The following PHF21B variants were observed in gnomAD, a reference collection of about 807,000 sequenced individuals.
PHF21B encodes the protein PHD finger protein 4.
Under a neutral mutation model 62.2 loss-of-function variants are expected in PHF21B, and 22 were observed. The observed-to-expected ratio is 0.35, with a 90% CI of 0.25 to 0.51. PHF21B has a LOEUF of 0.51. Among genes scored for constraint, PHF21B ranks in the 20% least tolerant of loss-of-function variants. The probability of loss-of-function intolerance (pLI) is 0.97; values close to 1 mark genes in which losing one functional copy is unlikely to be tolerated. For missense variants in PHF21B, 701 were observed against 707.9 expected, an observed-to-expected ratio of 0.99 and a Z score of 0.11; for synonymous variants, 341 against 314.7, an observed-to-expected ratio of 1.08 and a Z score of -0.88.
At chr22:44,926,614 G>C (rs1316553671) in intron 2 of PHF21B, among the ~76,000 whole-genome samples, 1 of 152,234 alleles carries the variant, frequency 6.6e-6, no homozygotes, top group Non-Finnish European at 1.5e-5. Context: ...TGGGTGGGCT[G>C]AGGAGGCCGA....
At chr22:44,885,356 C>T in intron 12 of PHF21B, 70 bp downstream of exon 12, 1 of 1,401,078 alleles carries the variant, frequency 7.1e-7, no homozygotes, top group Non-Finnish European at 9.7e-7. Flanking sequence ...AAGGACACAT[C>T]TATCTGTCCC....
intron 2 of PHF21B, among the ~76,000 whole-genome samples, chr22:44,928,697 A>G (rs2071681758): frequency 6.6e-6 from 1 of 152,238 alleles, no homozygotes; most frequent in South Asian, 2.1e-4. Flanking sequence ...GGCATGAGCC[A>G]ACACACATGG....
chr22:44,915,608 C>T (rs1399080463), intron 4 of PHF21B, among the ~76,000 whole-genome samples: 1 of 152,234 alleles, frequency 6.6e-6, no homozygotes, highest in East Asian at 1.9e-4. Context: ...CACCAGCTCA[C>T]ATGAGGGTCG....
chr22:44,907,363 C>T (rs371201612), intron 5 of PHF21B, among the ~76,000 whole-genome samples: 5 of 152,332 alleles, frequency 3.3e-5, no homozygotes, highest in African/African-American at 1.2e-4. Flanking sequence ...GGGCAAGGTG[C>T]TGTGAGCCTG....
intron 1 of PHF21B, chr22:45,008,931 GA>G: frequency 9.0e-7 from 1 of 1,111,286 alleles, no homozygotes; most frequent in Non-Finnish European, 1.1e-6. Flanking sequence ...TGTGCCGGGG[GA>G]GGGGGGAGGA....
intron 2 of PHF21B, among the ~76,000 whole-genome samples, chr22:44,925,937 G>T (rs1601605792): frequency 8.6e-6 from 1 of 116,120 alleles, no homozygotes; most frequent in Non-Finnish European, 2.0e-5. Context: ...CAGACTGTGG[G>T]GGCGGGAGGC....
intron 12 of PHF21B, among the ~76,000 whole-genome samples, chr22:44,884,019 GCCA>G (rs139737690): frequency 7.8e-4 from 47 of 60,430 alleles, no homozygotes; most frequent in African/African-American, 1.9e-3. Context: ...TATCACCACC[GCCA>G]CCACCATCAC....
chr22:44,884,762 TACC>T (rs66539565), intron 12 of PHF21B, among the ~76,000 whole-genome samples: 73,794 of 149,514 alleles, frequency 0.49, 18,181 homozygotes, highest in Non-Finnish European at 0.51. Context: ...CCACCATCAT[TACC>T]ACCATCACCA....
At chr22:44,951,814 A>G (rs991399837) in intron 2 of PHF21B, among the ~76,000 whole-genome samples, 1 of 152,136 alleles carries the variant, frequency 6.6e-6, no homozygotes, top group African/African-American at 2.4e-5. Context: ...CTCCTAGATC[A>G]TGGGATAGGT....
At chr22:44,915,329 T>C (rs2071413425) in intron 4 of PHF21B, among the ~76,000 whole-genome samples, 1 of 152,252 alleles carries the variant, frequency 6.6e-6, no homozygotes, top group African/African-American at 2.4e-5. Context: ...GGAATTCAAC[T>C]TTCAACAATG....
chr22:44,997,169 G>A (rs543966234), intron 2 of PHF21B, among the ~76,000 whole-genome samples: 3 of 152,260 alleles, frequency 2.0e-5, no homozygotes, highest in African/African-American at 7.2e-5. Context: ...GACACAGAGA[G>A]CTCCACTACC....
chr22:45,009,508 G>C lies in PHF21B; in HGVS notation c.42C>G (p.Leu14=), dbSNP rs2073386489. ...QSRPEALAVE[L]ARHQNGDLKK... is the part of the protein sequence containing the mutation. Reference sequence around the variant, plus strand: ...CCCGGCCACCTACCTGGTGGCGCGCGAGTTCCACGGCGAGCGCCTCGGGCC... The same window carrying C: ...CCCGGCCACCTACCTGGTGGCGCGCCAGTTCCACGGCGAGCGCCTCGGGCC... The change falls in exon 1 of 13, where the codon CTC becomes CTG. Residue 14 remains leucine, a synonymous_variant. Coordinates refer to ENST00000313237, the MANE Select transcript of PHF21B (RefSeq NM_138415.5). This position sits in a 1 kb window ranked among gnomAD's most constrained non-coding sequence, Gnocchi z 5.9. 6.4e-7 allele frequency: 1 copy of C among 1,560,112 alleles called. No individual in the cohort carries two copies. Among genetic ancestry groups the C allele is most frequent in the African/African-American group, 1.4e-5 (1 of 73,506 alleles).
intron 3 of PHF21B, among the ~76,000 whole-genome samples, chr22:44,917,821 C>G (rs1213391202): frequency 1.3e-5 from 2 of 152,192 alleles, no homozygotes; most frequent in Non-Finnish European, 2.9e-5. Flanking sequence ...TTGGGCAGGT[C>G]ACCAAGGCAC....
Position 44,891,368 on chromosome 22 carries a change from G to T in PHF21B, c.961-8C>A. The T allele has an allele frequency of 1.2e-6, 2 of 1,613,470 alleles. No individual in the cohort carries two copies. Among genetic ancestry groups the T allele is most frequent in the East Asian group, 4.5e-5 (2 of 44,878 alleles). Reference sequence around the variant, plus strand: ...GGAGGCCAGCCGTTTCCTCTGCAGGGACAGAAAACAAAACAACACACCCCA... The same window carrying T: ...GGAGGCCAGCCGTTTCCTCTGCAGGTACAGAAAACAAAACAACACACCCCA... On this transcript the variant is annotated splice_polypyrimidine_tract_variant and splice_region_variant and intron_variant, in intron 7 of 12. Coordinates refer to ENST00000313237, the MANE Select transcript of PHF21B (RefSeq NM_138415.5).
At chr22:44,996,801 C>T (rs1416930078) in intron 2 of PHF21B, among the ~76,000 whole-genome samples, 2 of 152,124 alleles carry the variant, frequency 1.3e-5, no homozygotes, top group Non-Finnish European at 2.9e-5. Context: ...CACATGCATA[C>T]ATGCAGACGC....
rs189084369 is a variant in PHF21B, at chr22:44,984,654, T to A, written c.120+23891A>T. 9.1e-4 allele frequency among the ~76,000 whole-genome samples: 138 copies of A among 152,352 alleles called. 1 individual carries two copies. The highest frequency in any genetic ancestry group is 3.0e-3 in the African/African-American group (124 of 41,578). On this transcript the variant is annotated intron_variant, in intron 2 of 12. Coordinates refer to ENST00000313237, the MANE Select transcript of PHF21B (RefSeq NM_138415.5). Reference sequence around the variant, plus strand: ...GAATGAAAGTGCGTGACATACATGCTTATTTGTATTTCAATCCTGCTCTGT... The same window carrying A: ...GAATGAAAGTGCGTGACATACATGCATATTTGTATTTCAATCCTGCTCTGT...
intron 2 of PHF21B, among the ~76,000 whole-genome samples, chr22:44,999,519 C>T (rs938392385): frequency 2.0e-5 from 3 of 152,162 alleles, no homozygotes; most frequent in African/African-American, 7.2e-5. Flanking sequence ...GCTTCCATGA[C>T]TTCTATTTCG....
Position 44,911,267 on chromosome 22 carries a change from C to T in PHF21B, c.831+2555G>A, listed in dbSNP as rs145294122. Among the ~76,000 whole-genome samples, 213 of 152,218 alleles carry T rather than the reference C, an allele frequency of 1.4e-3. 1 individual carries two copies. The highest frequency in any genetic ancestry group is 4.8e-3 in the African/African-American group (201 of 41,520). On this transcript the variant is annotated intron_variant, in intron 5 of 12. Coordinates refer to ENST00000313237, the MANE Select transcript of PHF21B (RefSeq NM_138415.5). ...GACAATGCGATAGAAAAGAAAAATC[C>T]CATTTTCTGAGGAGAAATTCAAGCT...
chr22:44,941,116 C>T (rs2071948033), intron 2 of PHF21B, among the ~76,000 whole-genome samples: 1 of 152,210 alleles, frequency 6.6e-6, no homozygotes, highest in South Asian at 2.1e-4. Flanking sequence ...CGCGTGCTCA[C>T]AATGACCATT....
Sources: allele counts gnomAD v4.1 joint callset (sites outside exome capture counted in the v4.1 genomes callset), GRCh38; gene constraint gnomAD v4.1.1; non-coding constraint Gnocchi (gnomAD v3.1); transcripts MANE v1.5; gene names NCBI Gene and HGNC (gene_info 2026-07-23, HGNC 2026-07-21).